MTCL3: variants seen among roughly 807,000 people sequenced by gnomAD.
MTCL3 encodes MTCL family member 3, also known as microtubule cross-linking factor 3.
the MTCL3 span, chr6:127,481,236 T>C: frequency 3.3e-6 from 3 of 901,274 alleles, no homozygotes; most frequent in Non-Finnish European, 2.7e-6. Flanking sequence ...CAGCGTCTAC[T>C]CCATAAACAA....
chr6:127,490,629 C>A, the MTCL3 span, among the ~76,000 whole-genome samples: 1 of 151,830 alleles, frequency 6.6e-6, no homozygotes, highest in East Asian at 1.9e-4. Flanking sequence ...CAATCCTGGC[C>A]AACACGGTGA....
the MTCL3 span, among the ~76,000 whole-genome samples, chr6:127,498,067 A>G: frequency 6.6e-6 from 1 of 152,226 alleles, no homozygotes; most frequent in African/African-American, 2.4e-5. Context: ...CACCAAAAAC[A>G]TAAGTGATGA....
chr6:127,486,923 T>G, the MTCL3 span, among the ~76,000 whole-genome samples: 1 of 152,166 alleles, frequency 6.6e-6, no homozygotes, highest in African/African-American at 2.4e-5. Flanking sequence ...AAAAGACATA[T>G]TATGCATATA....
At chr6:127,474,618 C>T in the MTCL3 span, among the ~76,000 whole-genome samples, 6 of 152,072 alleles carry the variant, frequency 3.9e-5, no homozygotes, top group Non-Finnish European at 8.8e-5. Flanking sequence ...TTCACTCTTG[C>T]CCAGGCTGGA....
At chr6:127,499,375 G>A in the MTCL3 span, among the ~76,000 whole-genome samples, 7 of 152,056 alleles carry the variant, frequency 4.6e-5, no homozygotes, top group South Asian at 1.2e-3. Flanking sequence ...AACTGACATC[G>A]CAGAAAATTG....
chr6:127,492,067 T>A, the MTCL3 span, among the ~76,000 whole-genome samples: 1 of 152,110 alleles, frequency 6.6e-6, no homozygotes, highest in Admixed American at 6.6e-5. Flanking sequence ...GTGTTTTAAG[T>A]CTGGGCTGGC....
chr6:127,515,121 A>T, the MTCL3 span: 1 of 1,280,072 alleles, frequency 7.8e-7, no homozygotes, highest in Non-Finnish European at 1.1e-6. The surrounding 1 kb of genome is among the most constrained non-coding windows in gnomAD (Gnocchi z 4.3). Context: ...TACACACCCC[A>T]TTCCAATTCC....
At chr6:127,515,482 A>G in the MTCL3 span, 4 of 1,397,380 alleles carry the variant, frequency 2.9e-6, no homozygotes, top group South Asian at 6.9e-5. This position sits in a 1 kb window ranked among gnomAD's most constrained non-coding sequence, Gnocchi z 4.3. Context: ...CACTCTTCCC[A>G]TCCCCCAGCC....
chr6:127,512,022 A>T, the MTCL3 span, among the ~76,000 whole-genome samples: 1 of 152,200 alleles, frequency 6.6e-6, no homozygotes, highest in Non-Finnish European at 1.5e-5. Flanking sequence ...TCTCAATGGT[A>T]GTTTTCACAA....
chr6:127,479,132 G>C, the MTCL3 span, among the ~76,000 whole-genome samples: 1 of 151,318 alleles, frequency 6.6e-6, no homozygotes, highest in Non-Finnish European at 1.5e-5. Context: ...TGTTTGAACA[G>C]AAACATGACC....
chr6:127,515,929 G>A, the MTCL3 span: 7 of 1,609,516 alleles, frequency 4.3e-6, no homozygotes, highest in African/African-American at 1.3e-5. This position sits in a 1 kb window ranked among gnomAD's most constrained non-coding sequence, Gnocchi z 4.3. Flanking sequence ...TCTGCTGCCG[G>A]TTCCTGGGGT....
At chr6:127,516,480 C>T in the MTCL3 span, 5 of 1,599,588 alleles carry the variant, frequency 3.1e-6, 1 homozygote, top group South Asian at 4.4e-5. Flanking sequence ...AACTGTCCCT[C>T]GGTCTAGCGG....
At chr6:127,512,097 G>A in the MTCL3 span, among the ~76,000 whole-genome samples, 1 of 152,136 alleles carries the variant, frequency 6.6e-6, no homozygotes, top group African/African-American at 2.4e-5. Context: ...TTAAATTGCT[G>A]TTTATCTTAA....
chr6:127,519,118 A>T, the MTCL3 span: 1 of 152,266 alleles, frequency 6.6e-6, no homozygotes. Context: ...GAAGATTGGC[A>T]GCAGCGCTCA....
At chr6:127,504,603 A>G in the MTCL3 span, among the ~76,000 whole-genome samples, 1 of 152,178 alleles carries the variant, frequency 6.6e-6, no homozygotes, top group African/African-American at 2.4e-5. Context: ...CAAAGCCTGA[A>G]CGCACCACAT....
chr6:127,506,497 T>C, the MTCL3 span, among the ~76,000 whole-genome samples: 1 of 152,194 alleles, frequency 6.6e-6, no homozygotes, highest in Non-Finnish European at 1.5e-5. Context: ...TTCTTCACCT[T>C]CCCAGCGTTT....
the MTCL3 span, chr6:127,513,166 C>A: frequency 1.7e-4 from 164 of 939,078 alleles, 1 homozygote; most frequent in East Asian, 3.3e-3. Flanking sequence ...TACCATGTGC[C>A]AGGCATTATT....
At chr6:127,480,707 A>T in the MTCL3 span, among the ~76,000 whole-genome samples, 1 of 152,226 alleles carries the variant, frequency 6.6e-6, no homozygotes, top group African/African-American at 2.4e-5. Flanking sequence ...TAAGTAGGAG[A>T]GATGAATGCA....
At chr6:127,475,881 G>A in the MTCL3 span, 1 of 1,613,654 alleles carries the variant, frequency 6.2e-7, no homozygotes, top group Non-Finnish European at 8.5e-7. This position sits in a 1 kb window ranked among gnomAD's most constrained non-coding sequence, Gnocchi z 7.3. Context: ...CCTTGCCGCT[G>A]AGCTCGTTGA....
Sources: allele counts gnomAD v4.1 joint callset (sites outside exome capture counted in the v4.1 genomes callset), GRCh38; gene constraint gnomAD v4.1.1; non-coding constraint Gnocchi (gnomAD v3.1); transcripts MANE v1.5; gene names NCBI Gene and HGNC (gene_info 2026-07-23, HGNC 2026-07-21).